The following CHRDL1 variants were observed in gnomAD, a reference collection of about 807,000 sequenced individuals.
CHRDL1 encodes the protein chordin like 1.
A neutral mutation model predicts 40.9 loss-of-function variants in CHRDL1; 19 were observed. The ratio of observed to expected loss-of-function variants is 0.46; its 90% CI spans 0.32 to 0.68. The LOEUF is 0.68. CHRDL1 is among the 30% of genes least tolerant of loss of function. The probability of loss-of-function intolerance (pLI) is 0.03; values close to 1 mark genes in which losing one functional copy is unlikely to be tolerated. For missense variants in CHRDL1, 329 were observed against 352.1 expected (o/e 0.93, Z 0.53); for synonymous variants, 136 against 123.4 (o/e 1.10, Z -0.68).
chrX:110,681,722 C>G, intron 9 of CHRDL1, 73 bp from the exon 10 acceptor site: 1 of 767,248 alleles, frequency 1.3e-6, no homozygotes, highest in Non-Finnish European at 1.9e-6. Flanking sequence ...ATTTATGTAT[C>G]TCATTGTTCA....
chrX:110,700,681 G>A lies in CHRDL1; in HGVS notation c.582C>T (p.Ile194=). ...CTTCTCTGTTGGCAGGTTGCCGGAAGATATCACCATCAGAATGTTCCCATG... is the reference window on the plus strand; with the variant it reads ...CTTCTCTGTTGGCAGGTTGCCGGAAAATATCACCATCAGAATGTTCCCATG... ...ELSWEHSDGD[I]FRQPANREAR... The change falls in exon 7 of 12, where the codon ATC becomes ATT. Residue 194 remains isoleucine, a synonymous_variant. Coordinates refer to ENST00000372042, the MANE Select transcript of CHRDL1 (RefSeq NM_001143981.2). 1 of 1,193,420 alleles carries A rather than the reference G, an allele frequency of 8.4e-7. No individual in the cohort carries two copies.
At position 110,711,673 on chromosome X, in the gene CHRDL1, C is replaced by A. The variant is rs1029825977; in HGVS notation, c.541+8162G>T. On this transcript the variant is annotated intron_variant, in intron 6 of 11. Transcript: ENST00000372042. ...CTTTGATTTTGAAAACTTTGAAAAA[C>A]TGGTCAATTTTTATGATGTTTAAAA... is the stretch of plus-strand genomic sequence containing the variant. Among the ~76,000 whole-genome samples the A allele has an allele frequency of 1.7e-4, 19 of 111,637 alleles. No homozygotes were observed. The East Asian group carries it at 4.7e-3, about 28-fold the overall frequency.
At chrX:110,701,472 A>T (rs2070512416) in intron 6 of CHRDL1, among the ~76,000 whole-genome samples, 1 of 111,931 alleles carries the variant, frequency 8.9e-6, no homozygotes, top group African/African-American at 3.3e-5. Context: ...AACACAAAAA[A>T]GTGTAAGTAC....
intron 4 of CHRDL1, among the ~76,000 whole-genome samples, chrX:110,756,716 A>C (rs1207046386): frequency 2.7e-5 from 3 of 111,489 alleles, no homozygotes; most frequent in African/African-American, 9.8e-5. Flanking sequence ...CAAACAAAAC[A>C]AACCCAAAAC....
intron 9 of CHRDL1, among the ~76,000 whole-genome samples, chrX:110,684,708 A>C (rs2069968244): frequency 8.9e-6 from 1 of 112,811 alleles, no homozygotes; most frequent in Non-Finnish European, 1.9e-5. Context: ...TCTTGCACAC[A>C]GTAGGTACTT....
rs185757349 is a variant in CHRDL1, at chrX:110,750,186, G to A, written c.301+9475C>T. ...TGCTTTCTAAATCCTGTGTTCAGACGAAAGTAAAAATGATTAATAAGAGTT... is the reference window on the plus strand; with the variant it reads ...TGCTTTCTAAATCCTGTGTTCAGACAAAAGTAAAAATGATTAATAAGAGTT... On this transcript the variant is annotated intron_variant, in intron 4 of 11. Transcript: ENST00000372042. Among the ~76,000 whole-genome samples the A allele has an allele frequency of 5.4e-5, 6 of 111,934 alleles. No individual in the cohort carries two copies. In the East Asian group the frequency reaches 1.1e-3, roughly 21 times the overall value.
intron 4 of CHRDL1, among the ~76,000 whole-genome samples, chrX:110,723,261 C>G (rs1233476369): frequency 9.0e-6 from 1 of 110,747 alleles, no homozygotes; most frequent in Non-Finnish European, 1.9e-5. Flanking sequence ...AAAAAACAAA[C>G]AAACAGACAA....
rs5943053 is a variant in CHRDL1 at position 110,688,628 on chromosome X, T to C, written c.954A>G (p.Lys318=). The C allele has an allele frequency of 0.39, 470,496 of 1,206,617 alleles. 70,319 individuals are homozygous for C. Among genetic ancestry groups the C allele is most frequent in the African/African-American group, 0.8 (45,032 of 56,425 alleles). ...TTTTACCTGGACACACCTTGCAGCA[T>C]TTTCCGTCTATTTTTTGAGGATACT... ...PCKYPQKIDG[K]CCKVCPGKKA... The change falls in exon 9 of 12, where the codon AAA becomes AAG. Residue 318 remains lysine (K), a synonymous_variant. Coordinates refer to ENST00000372042, the MANE Select transcript of CHRDL1 (RefSeq NM_001143981.2).
chrX:110,742,202 T>C (rs771308695), intron 4 of CHRDL1, among the ~76,000 whole-genome samples: 36 of 112,192 alleles, frequency 3.2e-4, no homozygotes, highest in Non-Finnish European at 4.7e-4. Context: ...TCTAGGTTAC[T>C]ATGAAAATGT....
intron 9 of CHRDL1, among the ~76,000 whole-genome samples, chrX:110,682,885 T>A (rs62595799): frequency 5.3e-5 from 6 of 112,295 alleles, no homozygotes; most frequent in Non-Finnish European, 9.4e-5. Context: ...ATTTATTTAC[T>A]TGGTGGGCCA....
intron 2 of CHRDL1, among the ~76,000 whole-genome samples, chrX:110,781,215 G>A (rs2089936856): frequency 9.0e-6 from 1 of 111,411 alleles, no homozygotes; most frequent in Non-Finnish European, 1.9e-5. Context: ...TAAATGTATA[G>A]TCTCACTGAC....
intron 2 of CHRDL1, among the ~76,000 whole-genome samples, chrX:110,772,376 T>C (rs2148519992): frequency 8.8e-6 from 1 of 113,182 alleles, no homozygotes; most frequent in Non-Finnish European, 1.9e-5. Flanking sequence ...TGGTGGCTCA[T>C]GCCTGTAATC....
At chrX:110,788,465 C>T (rs2090049945) in intron 2 of CHRDL1, among the ~76,000 whole-genome samples, 1 of 111,855 alleles carries the variant, frequency 8.9e-6, no homozygotes, top group Admixed American at 9.5e-5. Flanking sequence ...ATTCCTTGAC[C>T]TAAAAGCTTA....
At chrX:110,711,083 G>A (rs917725248) in intron 6 of CHRDL1, among the ~76,000 whole-genome samples, 1 of 111,454 alleles carries the variant, frequency 9.0e-6, no homozygotes, top group Non-Finnish European at 1.9e-5. Flanking sequence ...CAATGTAAAT[G>A]CTATGTAAAT....
At chrX:110,705,166 A>C (rs868326571) in intron 6 of CHRDL1, among the ~76,000 whole-genome samples, 1 of 107,228 alleles carries the variant, frequency 9.3e-6, no homozygotes, top group Admixed American at 1.0e-4. Context: ...TAGGAGAAGA[A>C]TACTAATACC....
At chrX:110,730,831 T>G (rs1419504101) in intron 4 of CHRDL1, among the ~76,000 whole-genome samples, 1 of 112,190 alleles carries the variant, frequency 8.9e-6, no homozygotes, top group Non-Finnish European at 1.9e-5. Context: ...TTGATTGGTT[T>G]GACTTTCATC....
At chrX:110,720,421 A>G (rs1253141773) in intron 5 of CHRDL1, among the ~76,000 whole-genome samples, 1 of 112,178 alleles carries the variant, frequency 8.9e-6, no homozygotes, top group Non-Finnish European at 1.9e-5. Flanking sequence ...AGTCTAGCAC[A>G]AGGCAAGGGA....
chrX:110,689,799 C>A (rs371341641), intron 8 of CHRDL1, among the ~76,000 whole-genome samples: 1 of 39,573 alleles, frequency 2.5e-5, no homozygotes, highest in Non-Finnish European at 4.1e-5. Context: ...ATCTATACAT[C>A]TATATATCTA....
intron 2 of CHRDL1, among the ~76,000 whole-genome samples, chrX:110,778,199 G>A (rs1264287106): frequency 9.0e-6 from 1 of 111,635 alleles, no homozygotes; most frequent in Non-Finnish European, 1.9e-5. Flanking sequence ...AACTGGCAAA[G>A]ATTTCATTAC....
Sources: allele counts gnomAD v4.1 joint callset (sites outside exome capture counted in the v4.1 genomes callset), GRCh38; gene constraint gnomAD v4.1.1; transcripts MANE v1.5; gene names NCBI Gene and HGNC (gene_info 2026-07-23, HGNC 2026-07-21).